LRRK2: variants seen among roughly 807,000 people sequenced by gnomAD.
LRRK2 encodes leucine rich repeat kinase 2, also known as leucine-rich repeat serine/threonine-protein kinase 2.
In LRRK2, 203 loss-of-function variants were observed where a neutral mutation model predicts 302.6. The observed-to-expected ratio is 0.67, with a 90% CI of 0.60 to 0.75. The LOEUF (loss-of-function observed/expected upper bound fraction) is 0.75. LRRK2 is among the 30% of genes least tolerant of loss of function. The pLI, the probability that LRRK2 is intolerant of heterozygous loss-of-function variation, is 0.00. For missense variants in LRRK2, 2,830 were observed against 2,951.0 expected, an observed-to-expected ratio of 0.96 and a Z score of 0.95; for synonymous variants, 1,066 against 1,031.9, an observed-to-expected ratio of 1.03 and a Z score of -0.63.
At chr12:40,297,437 T>C (rs1944425457) in intron 23 of LRRK2, among the ~76,000 whole-genome samples, 1 of 152,218 alleles carries the variant, frequency 6.6e-6, no homozygotes, top group Non-Finnish European at 1.5e-5. Context: ...CATTTCCTGA[T>C]TAAACCTTGG....
At chr12:40,235,573 A>G (rs983076603) in intron 3 of LRRK2, 53 bp from the exon 4 acceptor site, 1 of 1,259,682 alleles carries the variant, frequency 7.9e-7, no homozygotes, top group Non-Finnish European at 1.2e-6. Flanking sequence ...CAAATAAGCA[A>G]ACTTTTGAGT....
chr12:40,263,487 A>T (rs1942867572), intron 13 of LRRK2, among the ~76,000 whole-genome samples: 2 of 152,126 alleles, frequency 1.3e-5, no homozygotes, highest in South Asian at 4.1e-4. Context: ...CTTAAAGCAC[A>T]GCCTACTCAC....
rs1946954855 is a variant in LRRK2, at chr12:40,368,825, C to T, written c.*1060C>T. The T allele has an allele frequency of 6.6e-6, 1 of 151,650 alleles. No individual in the cohort carries two copies. Among genetic ancestry groups the T allele is most frequent in the Admixed American group, 6.6e-5 (1 of 15,166 alleles). The allele number at this position is 151,650 out of a possible 1,614,324, so 9.4% of individuals were successfully genotyped here. A position where few individuals can be genotyped will look rare whatever the true frequency, so the allele number is the denominator to read the frequency against. On this transcript the variant is annotated 3_prime_UTR_variant, in exon 51 of 51. Transcript: ENST00000298910. ...TAAAAATATCTGCCACCCTAGGCTT[C>T]CAAATTATACTTAAATTGTTTACAT...
At chr12:40,283,713 C>T (rs1943800372) in intron 18 of LRRK2, among the ~76,000 whole-genome samples, 162 bp from the exon 19 acceptor site, 1 of 152,180 alleles carries the variant, frequency 6.6e-6, no homozygotes, top group Admixed American at 6.5e-5. Flanking sequence ...TTAATATCAT[C>T]TTATTTTCCC....
At chr12:40,361,806 C>T (rs990724224) in intron 47 of LRRK2, among the ~76,000 whole-genome samples, 13 of 151,996 alleles carry the variant, frequency 8.6e-5, no homozygotes, top group African/African-American at 3.1e-4. Context: ...CCCCACAAAA[C>T]AGACATCACA....
intron 3 of LRRK2, 63 bp from the exon 4 acceptor site, chr12:40,235,563 C>T: frequency 8.8e-7 from 1 of 1,132,816 alleles, no homozygotes; most frequent in Non-Finnish European, 1.3e-6. Context: ...AAAAAAAATG[C>T]AAATAAGCAA....
chr12:40,233,607 A>G (rs1233934151), intron 3 of LRRK2, among the ~76,000 whole-genome samples: 1 of 152,224 alleles, frequency 6.6e-6, no homozygotes, highest in Non-Finnish European at 1.5e-5. Flanking sequence ...GTTCTAAAGT[A>G]TACAGCATTT....
chr12:40,304,163 A>G, intron 27 of LRRK2, 29 bp downstream of exon 27: 1 of 1,597,410 alleles, frequency 6.3e-7, no homozygotes, highest in Non-Finnish European at 8.6e-7. Context: ...CTTAAAAAAT[A>G]TACTTTATGA....
Position 40,225,752 on chromosome 12 carries a change from G to A in LRRK2, c.237+112G>A. ...CTTGGTTATTCCCAAAATTTGGCTTGAGGAACCTCTGACTGTGATTTTAAG... is the reference window on the plus strand; with the variant it reads ...CTTGGTTATTCCCAAAATTTGGCTTAAGGAACCTCTGACTGTGATTTTAAG... On this transcript the variant is annotated intron_variant, in intron 2 of 50. Coordinates refer to ENST00000298910, the MANE Select transcript of LRRK2 (RefSeq NM_198578.4). The A allele has an allele frequency of 2.5e-5, 22 of 882,780 alleles. No individual in the cohort carries two copies. In the South Asian group the frequency reaches 3.0e-4, roughly 12 times the overall value. The allele number at this position is 882,780 out of a possible 1,614,324, so 54.7% of individuals were successfully genotyped here.
Position 40,308,102 on chromosome 12 carries a change from A to G in LRRK2, c.3960-365A>G, listed in dbSNP as rs935909094. ...GCGTATAATTTGTAGGGTTTTTCAT[A>G]CTATTTAAAGACATTAGAATATGTA... On this transcript the variant is annotated intron_variant, in intron 28 of 50. Coordinates refer to ENST00000298910, the MANE Select transcript of LRRK2 (RefSeq NM_198578.4). 6.6e-5 allele frequency among the ~76,000 whole-genome samples: 10 copies of G among 151,886 alleles called. No individual in the cohort carries two copies. In the East Asian group the frequency reaches 1.7e-3, roughly 26 times the overall value.
Position 40,367,717 on chromosome 12 carries a change from A to C in LRRK2, c.7536A>C (p.Glu2512Asp). Residue 2512 changes from glutamate to aspartate, a missense_variant, in exon 51 of 51, where the codon GAA (glutamate) becomes GAC (aspartate). This residue lies in a region of LRRK2 where 456 missense variants were observed against 456.3 expected (regional missense o/e 1.00). Transcript: ENST00000298910. ...TGCAAAATTTAGAAAAACACATTGA[A>C]GTGAGAAAAGAATTAGCTGAAAAAA... Reference protein sequence around the residue: ...HEVQNLEKHIEVRKELAEKMR... With the variant: ...HEVQNLEKHIDVRKELAEKMR... The C allele has an allele frequency of 6.2e-7, 1 of 1,605,186 alleles. No individual in the cohort carries two copies. The highest frequency in any genetic ancestry group is 1.3e-5 in the African/African-American group (1 of 74,702).
chr12:40,287,219 T>A, intron 19 of LRRK2, 132 bp from the exon 20 acceptor site: 1 of 775,268 alleles, frequency 1.3e-6, no homozygotes, highest in Non-Finnish European at 2.2e-6. Context: ...ATCACTAGTG[T>A]AAGGTGACTT....
At chr12:40,248,018 A>G (rs1273039468) in intron 7 of LRRK2, among the ~76,000 whole-genome samples, 1 of 151,884 alleles carries the variant, frequency 6.6e-6, no homozygotes, top group Admixed American at 6.6e-5. Flanking sequence ...CATGGTATCC[A>G]TTTACTAGTT....
At chr12:40,297,008 T>G (rs1399185608) in intron 23 of LRRK2, among the ~76,000 whole-genome samples, 1 of 152,160 alleles carries the variant, frequency 6.6e-6, no homozygotes, top group African/African-American at 2.4e-5. Context: ...TTCCACCTAA[T>G]TCTCATTCGG....
rs541846391 is a variant in LRRK2 at position 40,308,541 on chromosome 12, G to A, written c.4034G>A (p.Ser1345Asn). 1 of 1,614,024 alleles carries A rather than the reference G, an allele frequency of 6.2e-7. No homozygotes were observed. The highest frequency in any genetic ancestry group is 1.3e-5 in the African/African-American group (1 of 75,050). ...CTTATGATTGTGGGAAATACTGGGA[G>A]TGGTAAAACCACCTTATTGCAGCAA... ...MKLMIVGNTG[S>N]GKTTLLQQLM... The change falls in exon 29 of 51, where the codon AGT becomes AAT. Residue 1345 changes from serine (S) to asparagine (N), a missense_variant. By Grantham distance (46) the Ser-to-Asn change is conservative. Transcript: ENST00000298910.
chr12:40,284,922 G>T (rs1331081262), intron 19 of LRRK2, among the ~76,000 whole-genome samples: 5 of 152,068 alleles, frequency 3.3e-5, no homozygotes, highest in Non-Finnish European at 7.4e-5. Context: ...CAGTCTACCA[G>T]TCTACTTTTT....
intron 8 of LRRK2, 22 bp downstream of exon 8, chr12:40,249,967 G>C: frequency 3.1e-6 from 5 of 1,612,710 alleles, no homozygotes; most frequent in East Asian, 2.2e-5. Flanking sequence ...CACTAAAAAG[G>C]GGATTCTTAC....
chr12:40,357,603 GTTA>G (rs1946578703), intron 46 of LRRK2, among the ~76,000 whole-genome samples: 1 of 152,054 alleles, frequency 6.6e-6, no homozygotes, highest in Non-Finnish European at 1.5e-5. Context: ...TTGCCAGCAT[GTTA>G]TTTTTTGTCT....
chr12:40,251,208 A>G, intron 8 of LRRK2, 24 bp from the exon 9 acceptor site: 2 of 1,415,836 alleles, frequency 1.4e-6, no homozygotes, highest in Non-Finnish European at 1.9e-6. Flanking sequence ...TAATGTTTTT[A>G]TATATTTTTC....
Sources: gnomAD v4.1 joint callset for allele counts (sites outside exome capture counted in the v4.1 genomes callset) on GRCh38, gnomAD v4.1.1 for gene constraint, gnomAD v4.1.1 regional missense constraint, MANE v1.5 for transcripts, NCBI Gene and HGNC (gene_info 2026-07-23, HGNC 2026-07-21) for gene names.